Variants in ITIH2 observed in about 807,000 individuals in gnomAD.
ITIH2 encodes the protein inter-alpha-trypsin inhibitor heavy chain 2.
ITIH2 carries 103 observed loss-of-function variants against 104.4 expected under a neutral mutation model. That is an observed-to-expected ratio of 0.99 (90% CI 0.84 to 1.16). The LOEUF (loss-of-function observed/expected upper bound fraction) is 1.16, where lower values mean the gene tolerates loss of function less well. Ranked by LOEUF, ITIH2 falls within the 50% of genes most tolerant of loss-of-function variation. The probability of loss-of-function intolerance (pLI) is 0.00; values close to 1 mark genes in which losing one functional copy is unlikely to be tolerated. For missense variants in ITIH2, 1,108 were observed against 1,162.4 expected, an observed-to-expected ratio of 0.95 and a Z score of 0.68; for synonymous variants, 436 against 435.4, an observed-to-expected ratio of 1.00 and a Z score of -0.02.
At chr10:7,738,524 A>C in intron 15 of ITIH2, 97 bp from the exon 16 acceptor site, 1 of 1,375,578 alleles carries the variant, frequency 7.3e-7, no homozygotes, top group African/African-American at 1.4e-5. Flanking sequence ...CTAAGCTGAC[A>C]ATACCTGGGG....
intron 14 of ITIH2, among the ~76,000 whole-genome samples, chr10:7,733,142 C>T (rs1339643322): frequency 6.6e-6 from 1 of 152,076 alleles, no homozygotes; most frequent in East Asian, 1.9e-4. Flanking sequence ...CCACCCCCCT[C>T]CTCCACTGTA....
rs1240490016 is a variant in ITIH2, at chr10:7,713,123, G to A, written c.363-58G>A. On this transcript the variant is annotated intron_variant, in intron 4 of 20. Transcript: ENST00000358415. ...TGACAGAGCAAGACTCCATCTCGAG[G>A]GGAAAAAAAAAAAAGATTACTATTC... The A allele has an allele frequency of 3.6e-6, 5 of 1,370,730 alleles. No individual in the cohort carries two copies. In the African/African-American group the frequency reaches 4.4e-5, roughly 12 times the overall value. 84.9% of individuals were successfully genotyped at this position (1,370,730 alleles called of 1,614,324 possible). A position where few individuals can be genotyped will look rare whatever the true frequency, so the allele number is the denominator to read the frequency against.
chr10:7,716,304 A>G (rs1403798168), intron 5 of ITIH2, among the ~76,000 whole-genome samples: 2 of 152,210 alleles, frequency 1.3e-5, no homozygotes, highest in Non-Finnish European at 2.9e-5. Flanking sequence ...CATTTAAAAA[A>G]TCATTCCCTG....
chr10:7,717,914 G>T, intron 6 of ITIH2, 126 bp downstream of exon 6: 1 of 898,684 alleles, frequency 1.1e-6, no homozygotes, highest in Non-Finnish European at 1.7e-6. Context: ...AAGACAGTGG[G>T]ATGTATTGAA....
chr10:7,721,072 C>G, intron 7 of ITIH2, 109 bp downstream of exon 7: 1 of 721,460 alleles, frequency 1.4e-6, no homozygotes, highest in Non-Finnish European at 2.4e-6. Context: ...GTTGAGGACA[C>G]TGTTGAAGAA....
chr10:7,730,843 C>A (rs1588457409), intron 12 of ITIH2, among the ~76,000 whole-genome samples: 1 of 152,160 alleles, frequency 6.6e-6, no homozygotes, highest in East Asian at 1.9e-4. Context: ...GGACTATTAA[C>A]CCAGCTGACT....
intron 2 of ITIH2, 33 bp from the exon 3 acceptor site, chr10:7,707,168 G>C (rs1834754859): frequency 1.3e-6 from 2 of 1,558,728 alleles, no homozygotes; most frequent in African/African-American, 2.7e-5. Context: ...GTGACATACA[G>C]TTGAAGAATG....
rs747989044 is a variant in ITIH2, at chr10:7,721,760, A to C, written c.850A>C (p.Lys284Gln). ...GCTGTATGACGTGAAAAGAGAAGAGAAGGCTGGTGAACTGGAGGTGAGTGC... is the reference window on the plus strand; with the variant it reads ...GCTGTATGACGTGAAAAGAGAAGAGCAGGCTGGTGAACTGGAGGTGAGTGC... ...VVLYDVKREE[K>Q]AGELEVFNGY... is the part of the protein sequence containing the mutation. The change falls in exon 8 of 21, where the codon AAG becomes CAG. Residue 284 changes from lysine to glutamine, a missense_variant. Physicochemically the swap from Lys to Gln is moderately conservative, Grantham distance 53 (BLOSUM62 1). Transcript: ENST00000358415. The C allele has an allele frequency of 1.2e-6, 2 of 1,613,698 alleles. No homozygotes were observed. The highest frequency in any genetic ancestry group is 1.7e-6 in the Non-Finnish European group (2 of 1,179,878).
At chr10:7,708,100 T>G (rs544199760) in intron 3 of ITIH2, among the ~76,000 whole-genome samples, 1 of 152,356 alleles carries the variant, frequency 6.6e-6, no homozygotes, top group South Asian at 2.1e-4. Flanking sequence ...TTAGCCTGGA[T>G]TTTATTTTAG....
chr10:7,713,025 C>G (rs1588450840), intron 4 of ITIH2, among the ~76,000 whole-genome samples, 156 bp from the exon 5 acceptor site: 2 of 152,026 alleles, frequency 1.3e-5, no homozygotes, highest in Non-Finnish European at 2.9e-5. Flanking sequence ...GGGGCTGAAG[C>G]AGGAGAATTG....
At chr10:7,708,366 A>G (rs951193287) in intron 3 of ITIH2, among the ~76,000 whole-genome samples, 3 of 152,216 alleles carry the variant, frequency 2.0e-5, no homozygotes, top group African/African-American at 7.2e-5. Flanking sequence ...TTAAATCAGT[A>G]GTGATCGGGT....
intron 6 of ITIH2, among the ~76,000 whole-genome samples, chr10:7,720,458 C>T (rs1257440890): frequency 6.6e-6 from 1 of 152,076 alleles, no homozygotes; most frequent in Non-Finnish European, 1.5e-5. Context: ...TAAAACAACC[C>T]AAGATTTGGG....
chr10:7,723,768 T>C (rs1834928612), intron 9 of ITIH2, among the ~76,000 whole-genome samples: 1 of 152,158 alleles, frequency 6.6e-6, no homozygotes, highest in African/African-American at 2.4e-5. Context: ...TTCTAATCAT[T>C]CCTCTAGTGT....
intron 6 of ITIH2, 25 bp downstream of exon 6, chr10:7,717,813 C>T (rs758056691): frequency 1.3e-6 from 2 of 1,593,402 alleles, no homozygotes; most frequent in Admixed American, 1.7e-5. Context: ...GTAGGGTGGG[C>T]AGTGACACTG....
At position 7,729,998 on chromosome 10, in the gene ITIH2, C is replaced by A. The variant is rs763301350; in HGVS notation, c.1326C>A (p.Ile442=). 14 of 1,612,378 alleles carry A rather than the reference C, an allele frequency of 8.7e-6. No individual in the cohort carries two copies. The highest frequency in any genetic ancestry group is 1.7e-5 in the Admixed American group (1 of 59,814). The change falls in exon 12 of 21, where the codon ATC becomes ATA. Residue 442 remains isoleucine (I), a synonymous_variant. Coordinates refer to ENST00000358415, the MANE Select transcript of ITIH2 (RefSeq NM_002216.3). ...SKIQKNVKEN[I]QDNISLFSLG... is the part of the protein sequence containing the mutation. ...TTCAGAAAAACGTTAAGGAGAACATCCAAGACAATATCTCCTTGTTCAGTT... is the reference window on the plus strand; with the variant it reads ...TTCAGAAAAACGTTAAGGAGAACATACAAGACAATATCTCCTTGTTCAGTT...
intron 1 of ITIH2, 78 bp downstream of exon 1, chr10:7,703,596 T>C (rs755506227): frequency 1.8e-5 from 16 of 888,570 alleles, no homozygotes; most frequent in Non-Finnish European, 3.1e-5. Context: ...CGCTATTCAA[T>C]GGCCTTATTC....
intron 12 of ITIH2, among the ~76,000 whole-genome samples, chr10:7,731,075 G>GGGCACAGGCATGT (rs1285238429): frequency 6.6e-6 from 1 of 151,998 alleles, no homozygotes; most frequent in African/African-American, 2.4e-5. Context: ...TGTGCCACCA[G>GGGCACAGGCATGT]GCCCGGCTAA....
intron 9 of ITIH2, among the ~76,000 whole-genome samples, chr10:7,724,585 A>G (rs1488922885): frequency 2.0e-5 from 3 of 149,268 alleles, no homozygotes; most frequent in South Asian, 4.2e-4. Flanking sequence ...AAAAAAAAAA[A>G]AAGAAGAGGA....
intron 16 of ITIH2, among the ~76,000 whole-genome samples, chr10:7,739,462 GCTTT>G (rs1835104579): frequency 6.6e-6 from 1 of 152,176 alleles, no homozygotes; most frequent in Non-Finnish European, 1.5e-5. Context: ...GAATTGTGCG[GCTTT>G]CTTGACTGCC....
Sources: allele counts gnomAD v4.1 joint callset (sites outside exome capture counted in the v4.1 genomes callset), GRCh38; gene constraint gnomAD v4.1.1; transcripts MANE v1.5; gene names NCBI Gene and HGNC (gene_info 2026-07-23, HGNC 2026-07-21).